The following SCG2 variants were observed in gnomAD, a reference collection of about 807,000 sequenced individuals.
The protein encoded by SCG2 is secretogranin-2.
In SCG2, 23 loss-of-function variants were observed where a neutral mutation model predicts 49.5. The ratio of observed to expected loss-of-function variants is 0.46; its 90% CI spans 0.33 to 0.66. SCG2 has a LOEUF of 0.66. SCG2 is among the 30% of genes least tolerant of loss of function. The probability of loss-of-function intolerance (pLI) is 0.01; values close to 1 mark genes in which losing one functional copy is unlikely to be tolerated. For missense variants in SCG2, 730 were observed against 728.2 expected, an observed-to-expected ratio of 1.00 and a Z score of -0.03; for synonymous variants, 288 against 260.4, an observed-to-expected ratio of 1.11 and a Z score of -1.02.
rs2230168 is a variant in SCG2 at position 223,597,338 on chromosome 2, G to T, written c.*91C>A. The T allele has an allele frequency of 0.025, 36,234 of 1,468,468 alleles. 1,081 individuals carry two copies. Among genetic ancestry groups the T allele is most frequent in the African/African-American group, 0.14 (10,229 of 70,746 alleles). The allele number at this position is 1,468,468 out of a possible 1,614,324, so 91.0% of individuals were successfully genotyped here. On this transcript the variant is annotated 3_prime_UTR_variant, in exon 2 of 2. Transcript: ENST00000305409. ...GTACATCATTTAAAGATATTACAGT[G>T]TTAACAGGATAGAAGTCAACACACT...
At chr2:223,601,927 T>C (rs953026984) in intron 1 of SCG2, among the ~76,000 whole-genome samples, 11 of 152,236 alleles carry the variant, frequency 7.2e-5, no homozygotes, top group African/African-American at 2.4e-4. Context: ...GCTTCGTATC[T>C]GGCTCTTAGT....
chr2:223,597,516 C>G lies in SCG2; in HGVS notation c.1767G>C (p.Leu589=). 1 of 1,614,162 alleles carries G rather than the reference C, an allele frequency of 6.2e-7. No individual in the cohort carries two copies. Among genetic ancestry groups the G allele is most frequent in the Non-Finnish European group, 8.5e-7 (1 of 1,180,028 alleles). Reference sequence around the variant, plus strand: ...TGAGGTATTCCAGCACTTTCATTAACAGATCTTCATCCCAGTACTGCCTAT... The same window carrying G: ...TGAGGTATTCCAGCACTTTCATTAAGAGATCTTCATCCCAGTACTGCCTAT... ...TPNRQYWDED[L]LMKVLEYLNQ... is the part of the protein sequence containing the mutation. Residue 589 remains leucine, a synonymous_variant, in exon 2 of 2, where the codon CTG becomes CTC. Transcript: ENST00000305409.
chr2:223,599,198 A>T lies in SCG2; in HGVS notation c.85T>A (p.Ser29Thr), dbSNP rs1225354107. ...IFLISGAEAA[S>T]FQRNQLLQKE... is the part of the protein sequence containing the mutation. ...TGAAGCAGCTGGTTTCTCTGAAATG[A>T]AGCTGCTTCAGCCCCAGAGATGAGG... Residue 29 changes from serine (S) to threonine (T), a missense_variant, in exon 2 of 2, where the codon TCA becomes ACA. Ser to Thr is a moderately conservative substitution (Grantham distance 58). Transcript: ENST00000305409. 6.2e-7 allele frequency: 1 copy of T among 1,613,690 alleles called. No individual in the cohort carries two copies.
intron 1 of SCG2, chr2:223,602,026 T>A (rs1381030789): frequency 6.6e-6 from 1 of 152,202 alleles, no homozygotes; most frequent in East Asian, 1.9e-4. Flanking sequence ...AATCCTTAAC[T>A]TTTTCACTCT....
chr2:223,599,390 A>G (rs1478831961), intron 1 of SCG2, 94 bp from the exon 2 acceptor site: 2 of 998,924 alleles, frequency 2.0e-6, no homozygotes, highest in Non-Finnish European at 1.4e-6. Context: ...AGGAAAAAAC[A>G]TAGTAGATAT....
In SCG2 at chr2:223,597,715, T is replaced by C; in HGVS notation, c.1568A>G (p.Gln523Arg). The part of the protein sequence containing the change: ...VKYPEIINSN[Q>R]VKRVPGQGSS... ...GCCTTGACCAGGAACTCGCTTCACT[T>C]GGTTTGAATTAATGATCTCAGGGTA... The change falls in exon 2 of 2, where the codon CAA becomes CGA. Residue 523 changes from glutamine to arginine, a missense_variant. Physicochemically the swap from Gln to Arg is conservative, Grantham distance 43. Coordinates refer to ENST00000305409, the MANE Select transcript of SCG2 (RefSeq NM_003469.5). 1 of 1,614,156 alleles carries C rather than the reference T, an allele frequency of 6.2e-7. No individual in the cohort carries two copies. Among genetic ancestry groups the C allele is most frequent in the South Asian group, 1.1e-5 (1 of 91,086 alleles).
rs1485578230 is a variant in SCG2, at chr2:223,597,691, C to A, written c.1592G>T (p.Gly531Val). ...SNQVKRVPGQ[G>V]SSEDDLQEEE... ...TTCCTGCAGGTCATCTTCAGATGAG[C>A]CTTGACCAGGAACTCGCTTCACTTG... Residue 531 changes from glycine (G) to valine (V), a missense_variant, in exon 2 of 2, where the codon GGC becomes GTC. Coordinates refer to ENST00000305409, the MANE Select transcript of SCG2 (RefSeq NM_003469.5). 6.2e-7 allele frequency: 1 copy of A among 1,614,114 alleles called. No individual in the cohort carries two copies. The highest frequency in any genetic ancestry group is 2.2e-5 in the East Asian group (1 of 44,874).
intron 1 of SCG2, 63 bp downstream of exon 1, chr2:223,602,222 G>C (rs1292531956): frequency 6.6e-6 from 1 of 152,074 alleles, no homozygotes; most frequent in Admixed American, 6.6e-5. Context: ...TCTCAGCTAG[G>C]AATTAAAAGA....
intron 1 of SCG2, among the ~76,000 whole-genome samples, chr2:223,599,764 G>C (rs1398337463): frequency 1.3e-5 from 2 of 152,140 alleles, no homozygotes; most frequent in South Asian, 2.1e-4. Context: ...TGTCCTTAAA[G>C]TTGTGTCAAA....
rs578016102 is a variant in SCG2, at chr2:223,597,109, T to C, written c.*320A>G. ...ATATTAAAAACTTTCAATAGAATTATAGGACACTTTTTTATCATATGTGAG... is the reference window on the plus strand; with the variant it reads ...ATATTAAAAACTTTCAATAGAATTACAGGACACTTTTTTATCATATGTGAG... On this transcript the variant is annotated 3_prime_UTR_variant, in exon 2 of 2. Coordinates refer to ENST00000305409, the MANE Select transcript of SCG2 (RefSeq NM_003469.5). 38 of 205,862 alleles carry C rather than the reference T, an allele frequency of 1.8e-4. No homozygotes were observed. Among genetic ancestry groups the C allele is most frequent in the African/African-American group, 8.5e-4 (37 of 43,660 alleles). 12.8% of individuals were successfully genotyped at this position (205,862 alleles called of 1,614,324 possible). A position where few individuals can be genotyped will look rare whatever the true frequency, so the allele number is the denominator to read the frequency against.
chr2:223,597,998 C>A lies in SCG2; in HGVS notation c.1285G>T (p.Asp429Tyr), dbSNP rs963716193. 1.9e-6 allele frequency: 3 copies of A among 1,613,806 alleles called. No individual in the cohort carries two copies. The highest frequency in any genetic ancestry group is 2.5e-6 in the Non-Finnish European group (3 of 1,179,914). ...PGRAGTEALPDGLSVEDILNL... is the reference protein window; with the variant it reads ...PGRAGTEALPYGLSVEDILNL... ...AAAATATCCTCAACACTGAGCCCGT[C>A]TGGTAGGGCCTCAGTCCCAGCACGA... The change falls in exon 2 of 2, where the codon GAC becomes TAC. Residue 429 changes from aspartate (D) to tyrosine (Y), a missense_variant. Transcript: ENST00000305409.
chr2:223,599,265 G>A lies in SCG2; in HGVS notation c.18C>T (p.Thr6=), dbSNP rs773211598. The A allele has an allele frequency of 1.3e-6, 2 of 1,574,570 alleles. No homozygotes were observed. The highest frequency in any genetic ancestry group is 2.3e-5 in the South Asian group (2 of 86,994). MAEAK[T]HWLGAALSLI... ...GAGACAGGGCTGCTCCAAGCCAGTGGGTCTTTGCTTCAGCCATGTTTGAAA... is the reference window on the plus strand; with the variant it reads ...GAGACAGGGCTGCTCCAAGCCAGTGAGTCTTTGCTTCAGCCATGTTTGAAA... The change falls in exon 2 of 2, where the codon ACC becomes ACT. Residue 6 remains threonine (T), a synonymous_variant. Coordinates refer to ENST00000305409, the MANE Select transcript of SCG2 (RefSeq NM_003469.5).
chr2:223,597,416 T>C lies in SCG2; in HGVS notation c.*13A>G, dbSNP rs1256678120. On this transcript the variant is annotated 3_prime_UTR_variant, in exon 2 of 2. Coordinates refer to ENST00000305409, the MANE Select transcript of SCG2 (RefSeq NM_003469.5). ...GTGGGAGGAATGAAAGTAGGGTAAT[T>C]AATGAAAGCAGCTTACATATTTTCC... is the stretch of plus-strand genomic sequence containing the variant. 2 of 1,568,560 alleles carry C rather than the reference T, an allele frequency of 1.3e-6. No individual in the cohort carries two copies. Among genetic ancestry groups the C allele is most frequent in the South Asian group, 1.2e-5 (1 of 82,472 alleles).
At position 223,597,865 on chromosome 2, in the gene SCG2, G is replaced by A. The variant is rs1691323546; in HGVS notation, c.1418C>T (p.Ser473Phe). The stretch of plus-strand genomic sequence containing the variant: ...AGCTTTGGGAAGCTGGTTCGATCTA[G>A]ATCTTCCAGCACCATAAGGGAGCCT... ...LPRLPYGAGR[S>F]RSNQLPKAAW... is the part of the protein sequence containing the mutation. The change falls in exon 2 of 2, where the codon TCT (serine) becomes TTT (phenylalanine). Residue 473 changes from serine to phenylalanine, a missense_variant. Transcript: ENST00000305409. 1.2e-6 allele frequency: 2 copies of A among 1,614,152 alleles called. No homozygotes were observed. Among genetic ancestry groups the A allele is most frequent in the Non-Finnish European group, 1.7e-6 (2 of 1,180,026 alleles).
At chr2:223,602,008 G>C (rs1691398017) in intron 1 of SCG2, 1 of 152,122 alleles carries the variant, frequency 6.6e-6, no homozygotes, top group Admixed American at 6.5e-5. Context: ...TCTGTGTATT[G>C]ACACTAAAAT....
chr2:223,598,010 C>T lies in SCG2; in HGVS notation c.1273G>A (p.Glu425Lys). The stretch of plus-strand genomic sequence containing the variant: ...ACACTGAGCCCGTCTGGTAGGGCCT[C>T]AGTCCCAGCACGACCAGGTGTTTTA... ...YPKTPGRAGT[E>K]ALPDGLSVED... The change falls in exon 2 of 2, where the codon GAG (glutamate) becomes AAG (lysine). Residue 425 changes from glutamate to lysine, a missense_variant. Transcript: ENST00000305409. 2 of 1,613,492 alleles carry T rather than the reference C, an allele frequency of 1.2e-6. No homozygotes were observed. Among genetic ancestry groups the T allele is most frequent in the Non-Finnish European group, 1.7e-6 (2 of 1,179,716 alleles).
In SCG2 at chr2:223,599,156, T is replaced by A. The variant is rs751764722; in HGVS notation, c.127A>T (p.Arg43Trp). 6.2e-7 allele frequency: 1 copy of A among 1,614,142 alleles called. No homozygotes were observed. The highest frequency in any genetic ancestry group is 1.1e-5 in the South Asian group (1 of 91,080). Residue 43 changes from arginine (R) to tryptophan (W), a missense_variant, in exon 2 of 2, where the codon AGG becomes TGG. Transcript: ENST00000305409. ...NQLLQKEPDL[R>W]LENVQKFPSP... ...GGAAACTTTTGGACATTTTCCAACC[T>A]GAGGTCTGGTTCTTTCTGAAGCAGC...
intron 1 of SCG2, among the ~76,000 whole-genome samples, chr2:223,601,381 T>A (rs748137105): frequency 4.6e-5 from 7 of 152,316 alleles, no homozygotes; most frequent in Admixed American, 2.0e-4. Context: ...TTAAAATGTC[T>A]TTTCTGTTGA....
In SCG2 at chr2:223,597,858, C is replaced by T. The variant is rs150598261; in HGVS notation, c.1425G>A (p.Ser475=). 2.5e-6 allele frequency: 4 copies of T among 1,614,128 alleles called. No individual in the cohort carries two copies. The highest frequency in any genetic ancestry group is 1.1e-5 in the South Asian group (1 of 91,064). ...RLPYGAGRSR[S]NQLPKAAWIP... is the part of the protein sequence containing the mutation. ...TCCAGGCAGCTTTGGGAAGCTGGTT[C>T]GATCTAGATCTTCCAGCACCATAAG... Residue 475 remains serine, a synonymous_variant, in exon 2 of 2, where the codon TCG becomes TCA. Transcript: ENST00000305409.
Sources: allele counts gnomAD v4.1 joint callset (sites outside exome capture counted in the v4.1 genomes callset), GRCh38; gene constraint gnomAD v4.1.1; transcripts MANE v1.5; gene names NCBI Gene and HGNC (gene_info 2026-07-23, HGNC 2026-07-21).